PTPRK: variants seen among roughly 807,000 people sequenced by gnomAD.
PTPRK encodes the protein receptor-type tyrosine-protein phosphatase kappa.
PTPRK carries 75 observed loss-of-function variants against 178.0 expected under a neutral mutation model. The observed-to-expected ratio is 0.42, with a 90% confidence interval of 0.35 to 0.51. The LOEUF (loss-of-function observed/expected upper bound fraction) is 0.51, where lower values mean the gene tolerates loss of function less well. Ranked by LOEUF, PTPRK falls within the 20% of genes least tolerant of loss-of-function variation. The probability of loss-of-function intolerance (pLI) is 0.02; values close to 1 mark genes in which losing one functional copy is unlikely to be tolerated. For missense variants in PTPRK, 1,441 were observed against 1,797.8 expected, an observed-to-expected ratio of 0.80 and a Z score of 3.59; for synonymous variants, 637 against 620.6, an observed-to-expected ratio of 1.03 and a Z score of -0.39.
intron 7 of PTPRK, among the ~76,000 whole-genome samples, chr6:128,094,984 G>A (rs1041106232): frequency 3.9e-5 from 6 of 152,026 alleles, no homozygotes; most frequent in South Asian, 2.1e-4. Context: ...GCATGACAGG[G>A]GGCAGGTGAG....
At chr6:128,384,050 T>G (rs1306352666) in intron 2 of PTPRK, among the ~76,000 whole-genome samples, 3 of 152,218 alleles carry the variant, frequency 2.0e-5, no homozygotes, top group Non-Finnish European at 4.4e-5. Flanking sequence ...AGGATAATTT[T>G]TTTGTTACTT....
intron 1 of PTPRK, among the ~76,000 whole-genome samples, chr6:128,465,816 A>T (rs1849775900): frequency 6.6e-6 from 1 of 151,932 alleles, no homozygotes; most frequent in African/African-American, 2.4e-5. Flanking sequence ...ACCAAACTCA[A>T]CCATACCCAC....
At chr6:128,314,216 C>A (rs934017294) in intron 3 of PTPRK, among the ~76,000 whole-genome samples, 1 of 152,130 alleles carries the variant, frequency 6.6e-6, no homozygotes, top group African/African-American at 2.4e-5. Flanking sequence ...TTAATTATTT[C>A]TTTAGCACTT....
chr6:128,342,629 T>C (rs1831825412), intron 2 of PTPRK, among the ~76,000 whole-genome samples: 1 of 152,242 alleles, frequency 6.6e-6, no homozygotes, highest in Non-Finnish European at 1.5e-5. Context: ...AGCAGTGTGC[T>C]GGATCTCTAA....
intron 29 of PTPRK, among the ~76,000 whole-genome samples, chr6:127,972,512 C>T (rs1774045000): frequency 6.6e-6 from 1 of 152,184 alleles, no homozygotes; most frequent in Non-Finnish European, 1.5e-5. Context: ...GCTCAAGTAG[C>T]ATGATATGAA....
rs13216899 is a variant in PTPRK at position 128,028,294 on chromosome 6, A to C, written c.2195-19026T>G. Among the ~76,000 whole-genome samples, 3 of 152,228 alleles carry C rather than the reference A, an allele frequency of 2.0e-5. No individual in the cohort carries two copies. The East Asian group carries it at 5.8e-4, about 29-fold the overall frequency. The stretch of plus-strand genomic sequence containing the variant: ...AAAAAAGGAAAAAGCAAAAGTGATA[A>C]CAGTTGCTTAGAATATTGTTTCAGA... On this transcript the variant is annotated intron_variant, in intron 13 of 29. Transcript: ENST00000368226.
chr6:128,322,164 T>G lies in PTPRK; in HGVS notation c.370A>C (p.Asn124His). ...SQKGLNPGTL[N>H]ILVRVNKGPL... Reference sequence around the variant, plus strand: ...CCTTTATTCACCCTAACTAATATGTTCAAAGTGCCAGGATTCAGTCCTTTC... The same window carrying G: ...CCTTTATTCACCCTAACTAATATGTGCAAAGTGCCAGGATTCAGTCCTTTC... Residue 124 changes from asparagine (N) to histidine (H), a missense_variant, in exon 3 of 30, where the codon AAC becomes CAC. Transcript: ENST00000368226. The G allele has an allele frequency of 6.2e-7, 1 of 1,613,912 alleles. No homozygotes were observed. The highest frequency in any genetic ancestry group is 8.5e-7 in the Non-Finnish European group (1 of 1,179,880).
At chr6:128,506,947 A>G (rs1044894480) in intron 1 of PTPRK, among the ~76,000 whole-genome samples, 4 of 152,140 alleles carry the variant, frequency 2.6e-5, no homozygotes, top group Non-Finnish European at 5.9e-5. Flanking sequence ...AATAATAACT[A>G]AAATGGACAA....
At chr6:128,145,035 G>C (rs888854819) in intron 7 of PTPRK, among the ~76,000 whole-genome samples, 1 of 152,068 alleles carries the variant, frequency 6.6e-6, no homozygotes, top group Non-Finnish European at 1.5e-5. Flanking sequence ...AAACAAAGTT[G>C]ACTTTCCAAC....
chr6:128,112,035 A>G (rs1373499469), intron 7 of PTPRK, among the ~76,000 whole-genome samples: 21 of 151,990 alleles, frequency 1.4e-4, no homozygotes. Context: ...TATTCTTCTA[A>G]TGTTATTACC....
intron 6 of PTPRK, among the ~76,000 whole-genome samples, chr6:128,187,572 C>T (rs901156007): frequency 1.3e-5 from 2 of 152,172 alleles, no homozygotes; most frequent in African/African-American, 4.8e-5. Flanking sequence ...ATAGCATATA[C>T]ATTTTAACAC....
At position 128,173,533 on chromosome 6, in the gene PTPRK, T is replaced by C. The variant is rs148822213; in HGVS notation, c.1162+10899A>G. 4.3e-3 allele frequency among the ~76,000 whole-genome samples: 659 copies of C among 152,138 alleles called. 4 individuals are homozygous for C. Among genetic ancestry groups the C allele is most frequent in the Non-Finnish European group, 4.2e-3 (288 of 67,984 alleles). Reference sequence around the variant, plus strand: ...TATATCCTGCTGTCTGCCCTCTCTATGAACCATAAACCCAGGAAAATAACT... The same window carrying C: ...TATATCCTGCTGTCTGCCCTCTCTACGAACCATAAACCCAGGAAAATAACT... On this transcript the variant is annotated intron_variant, in intron 7 of 29. Coordinates refer to ENST00000368226, the MANE Select transcript of PTPRK (RefSeq NM_002844.4).
At chr6:127,999,758 T>G (rs1777578097) in intron 15 of PTPRK, among the ~76,000 whole-genome samples, 1 of 152,006 alleles carries the variant, frequency 6.6e-6, no homozygotes, top group Non-Finnish European at 1.5e-5. Context: ...CTCACTAAAT[T>G]CTGAACACCC....
At chr6:128,192,427 GTT>G (rs1450866343) in intron 6 of PTPRK, among the ~76,000 whole-genome samples, 3 of 152,176 alleles carry the variant, frequency 2.0e-5, no homozygotes, top group African/African-American at 7.2e-5. Flanking sequence ...CATTCCCAGT[GTT>G]TCTTTTAGCG....
At chr6:128,090,306 T>C (rs1307777605) in intron 7 of PTPRK, among the ~76,000 whole-genome samples, 1 of 152,232 alleles carries the variant, frequency 6.6e-6, no homozygotes, top group Non-Finnish European at 1.5e-5. Context: ...TGCCCAATTC[T>C]CTGCCTTTCT....
intron 7 of PTPRK, among the ~76,000 whole-genome samples, chr6:128,164,596 T>C (rs575235272): frequency 2.0e-5 from 3 of 151,274 alleles, no homozygotes; most frequent in Non-Finnish European, 4.4e-5. Context: ...AAAAAGGTTT[T>C]AAAAAACACA....
At chr6:128,415,572 G>T (rs568479646) in intron 1 of PTPRK, among the ~76,000 whole-genome samples, 1 of 151,908 alleles carries the variant, frequency 6.6e-6, no homozygotes, top group Non-Finnish European at 1.5e-5. Context: ...TGACTCTTGA[G>T]GATAATGTCC....
At chr6:128,466,882 G>T (rs2128415920) in intron 1 of PTPRK, among the ~76,000 whole-genome samples, 1 of 152,236 alleles carries the variant, frequency 6.6e-6, no homozygotes, top group Non-Finnish European at 1.5e-5. Flanking sequence ...ATATCAGAGA[G>T]ACTGAAGTTG....
At position 128,083,458 on chromosome 6, in the gene PTPRK, C is replaced by T. The variant is rs9491910; in HGVS notation, c.1575+257G>A. Among the ~76,000 whole-genome samples the T allele has an allele frequency of 3.5e-3, 530 of 152,046 alleles. 1 individual carries two copies. Among genetic ancestry groups the T allele is most frequent in the African/African-American group, 0.012 (503 of 41,526 alleles). ...CATCGTAAATCTGATAATGACTATCCTGCTTCCCTAAATCAACAAAACAGC... is the reference window on the plus strand; with the variant it reads ...CATCGTAAATCTGATAATGACTATCTTGCTTCCCTAAATCAACAAAACAGC... On this transcript the variant is annotated intron_variant, in intron 9 of 29. Coordinates refer to ENST00000368226, the MANE Select transcript of PTPRK (RefSeq NM_002844.4).
Sources: allele counts gnomAD v4.1 joint callset (sites outside exome capture counted in the v4.1 genomes callset), GRCh38; gene constraint gnomAD v4.1.1; transcripts MANE v1.5; gene names NCBI Gene and HGNC (gene_info 2026-07-23, HGNC 2026-07-21).